Variants in MOB3B observed in about 807,000 individuals in gnomAD.
The protein encoded by MOB3B is MOB kinase activator 3B.
Under a neutral mutation model 18.7 loss-of-function variants are expected in MOB3B, and 7 were observed. That is an observed-to-expected ratio of 0.37 (90% CI 0.21 to 0.70). MOB3B has a LOEUF of 0.70. Among genes scored for constraint, MOB3B ranks in the 30% least tolerant of loss-of-function variants. MOB3B has a pLI of 0.52. For synonymous variants in MOB3B, 111 were observed against 99.9 expected, an observed-to-expected ratio of 1.11 and a Z score of -0.66; for missense variants, 253 against 281.3, an observed-to-expected ratio of 0.90 and a Z score of 0.72.
At chr9:27,377,799 TTTGACATTCTA>T (rs1191815065) in intron 2 of MOB3B, among the ~76,000 whole-genome samples, 1 of 152,238 alleles carries the variant, frequency 6.6e-6, no homozygotes, top group East Asian at 1.9e-4. Context: ...TCAAATTCCG[TTTGACATTCTA>T]TTTAGGTTTG....
intron 3 of MOB3B, among the ~76,000 whole-genome samples, chr9:27,347,091 C>A (rs1325761401): frequency 6.6e-6 from 1 of 152,166 alleles, no homozygotes; most frequent in Non-Finnish European, 1.5e-5. Context: ...CCACAACATG[C>A]CAGAACTGGA....
At chr9:27,340,927 A>ATGC (rs1326859903) in intron 3 of MOB3B, among the ~76,000 whole-genome samples, 1 of 152,214 alleles carries the variant, frequency 6.6e-6, no homozygotes, top group Non-Finnish European at 1.5e-5. Flanking sequence ...TTTCTGGCAG[A>ATGC]TGCTGCTGCT....
intron 1 of MOB3B, among the ~76,000 whole-genome samples, chr9:27,466,176 T>C (rs537524441): frequency 1.3e-5 from 2 of 152,334 alleles, no homozygotes; most frequent in South Asian, 4.1e-4. Flanking sequence ...TTCTGAAAGC[T>C]TTGCTGCTTA....
At chr9:27,340,194 G>T (rs1040530615) in intron 3 of MOB3B, among the ~76,000 whole-genome samples, 20 of 152,168 alleles carry the variant, frequency 1.3e-4, no homozygotes, top group African/African-American at 4.8e-4. Context: ...CACGATGGAG[G>T]GGTGCGTGTG....
At chr9:27,342,907 G>A (rs1244266815) in intron 3 of MOB3B, among the ~76,000 whole-genome samples, 1 of 150,656 alleles carries the variant, frequency 6.6e-6, no homozygotes, top group Non-Finnish European at 1.5e-5. Context: ...GAAGTGAGGA[G>A]CGTCTCTGCC....
chr9:27,353,799 C>T (rs753211014), intron 3 of MOB3B, among the ~76,000 whole-genome samples: 14 of 152,202 alleles, frequency 9.2e-5, no homozygotes, highest in African/African-American at 2.2e-4. Flanking sequence ...CAAAACACTG[C>T]GGGCTATTCG....
chr9:27,369,023 A>G (rs1337615976), intron 2 of MOB3B, among the ~76,000 whole-genome samples: 1 of 152,206 alleles, frequency 6.6e-6, no homozygotes, highest in Non-Finnish European at 1.5e-5. Context: ...ATTGACAATA[A>G]AAGCCATTAG....
intron 2 of MOB3B, among the ~76,000 whole-genome samples, chr9:27,367,459 C>T (rs751770742): frequency 6.7e-4 from 102 of 152,218 alleles, no homozygotes; most frequent in East Asian, 1.9e-4. Context: ...ACTGGTGAAA[C>T]GCCTGGCTCT....
chr9:27,485,118 A>G (rs777878904), intron 1 of MOB3B, among the ~76,000 whole-genome samples: 120 of 152,186 alleles, frequency 7.9e-4, no homozygotes, highest in Non-Finnish European at 1.5e-3. Context: ...TATTGATAAT[A>G]TATCAATAAC....
intron 2 of MOB3B, among the ~76,000 whole-genome samples, chr9:27,416,130 A>G (rs1822143330): frequency 6.6e-6 from 1 of 152,226 alleles, no homozygotes; most frequent in South Asian, 2.1e-4. Context: ...CAGCATATAC[A>G]AGTATTATTG....
At chr9:27,333,526 A>C (rs1452879000) in intron 3 of MOB3B, among the ~76,000 whole-genome samples, 1 of 152,130 alleles carries the variant, frequency 6.6e-6, no homozygotes, top group Non-Finnish European at 1.5e-5. Flanking sequence ...CCATTGCTGG[A>C]GTTACTGAAT....
At chr9:27,440,511 G>C (rs933941553) in intron 2 of MOB3B, among the ~76,000 whole-genome samples, 1 of 152,014 alleles carries the variant, frequency 6.6e-6, no homozygotes, top group Non-Finnish European at 1.5e-5. Flanking sequence ...GGATATTATA[G>C]AAAGCTCTCC....
chr9:27,341,306 C>T (rs1820938204), intron 3 of MOB3B, among the ~76,000 whole-genome samples: 1 of 152,114 alleles, frequency 6.6e-6, no homozygotes, highest in Non-Finnish European at 1.5e-5. Context: ...AGCATGGGTC[C>T]CTAAAGGAAG....
intron 2 of MOB3B, among the ~76,000 whole-genome samples, chr9:27,447,959 C>T (rs928173457): frequency 6.6e-6 from 1 of 152,070 alleles, no homozygotes; most frequent in African/African-American, 2.4e-5. Context: ...AGAGTTCCTA[C>T]CAGTAAGGGC....
intron 2 of MOB3B, among the ~76,000 whole-genome samples, chr9:27,399,324 A>T (rs1821842873): frequency 6.6e-6 from 1 of 152,220 alleles, no homozygotes; most frequent in Non-Finnish European, 1.5e-5. Flanking sequence ...AATAAAAGAG[A>T]TGGCATACCT....
At chr9:27,408,812 C>T (rs1435431472) in intron 2 of MOB3B, among the ~76,000 whole-genome samples, 1 of 152,214 alleles carries the variant, frequency 6.6e-6, no homozygotes, top group Admixed American at 6.5e-5. Flanking sequence ...ATTTCCCCTT[C>T]CTTCCTGCTA....
At chr9:27,501,164 T>C (rs922813363) in intron 1 of MOB3B, among the ~76,000 whole-genome samples, 5 of 152,186 alleles carry the variant, frequency 3.3e-5, no homozygotes, top group African/African-American at 1.2e-4. Context: ...GAGTTTAAAC[T>C]AGTTCAACAA....
At chr9:27,522,926 TA>T (rs952248521) in intron 1 of MOB3B, among the ~76,000 whole-genome samples, 8 of 150,284 alleles carry the variant, frequency 5.3e-5, no homozygotes, top group Non-Finnish European at 8.9e-5. Flanking sequence ...TATATATATA[TA>T]TTTTTTTCCG....
At chr9:27,429,816 C>T (rs1311920941) in intron 2 of MOB3B, among the ~76,000 whole-genome samples, 2 of 152,172 alleles carry the variant, frequency 1.3e-5, no homozygotes, top group Non-Finnish European at 2.9e-5. Context: ...GGTTGCCCCT[C>T]AAAGGATAAG....
Sources: allele counts gnomAD v4.1 joint callset (sites outside exome capture counted in the v4.1 genomes callset), GRCh38; gene constraint gnomAD v4.1.1; transcripts MANE v1.5; gene names NCBI Gene and HGNC (gene_info 2026-07-23, HGNC 2026-07-21).